EXOC4: variants seen among roughly 807,000 people sequenced by gnomAD.
The protein encoded by EXOC4 is exocyst complex component 4.
EXOC4 carries 71 observed loss-of-function variants against 107.2 expected under a neutral mutation model. That is an observed-to-expected ratio of 0.66 (90% confidence interval 0.55 to 0.81). The LOEUF (loss-of-function observed/expected upper bound fraction) is 0.81. Among genes scored for constraint, EXOC4 ranks in the 30% least tolerant of loss-of-function variants. EXOC4 has a pLI of 0.00. For synonymous variants in EXOC4, 456 were observed against 441.2 expected, an observed-to-expected ratio of 1.03 and a Z score of -0.42; for missense variants, 1,108 against 1,189.6, an observed-to-expected ratio of 0.93 and a Z score of 1.01.
intron 14 of EXOC4, among the ~76,000 whole-genome samples, chr7:133,990,942 C>G (rs1489576134): frequency 1.3e-5 from 2 of 152,126 alleles, no homozygotes; most frequent in Non-Finnish European, 2.9e-5. Flanking sequence ...TGGATATACC[C>G]AGCAGTGAGA....
chr7:133,723,892 G>T (rs1246179769), intron 10 of EXOC4, among the ~76,000 whole-genome samples: 1 of 152,018 alleles, frequency 6.6e-6, no homozygotes, highest in Non-Finnish European at 1.5e-5. Flanking sequence ...CTCCTGAGTA[G>T]TTGAGATTAT....
At chr7:133,439,456 T>C (rs1798057219) in intron 7 of EXOC4, among the ~76,000 whole-genome samples, 1 of 152,140 alleles carries the variant, frequency 6.6e-6, no homozygotes, top group Admixed American at 6.6e-5. Flanking sequence ...GTGCTGGGGC[T>C]ACAGGTGTGA....
chr7:133,582,556 A>G (rs1240295770), intron 9 of EXOC4, among the ~76,000 whole-genome samples: 1 of 152,110 alleles, frequency 6.6e-6, no homozygotes, highest in African/African-American at 2.4e-5. Context: ...ACATTTCAGT[A>G]GTCCTTATGG....
intron 10 of EXOC4, among the ~76,000 whole-genome samples, chr7:133,783,808 C>T (rs1796514191): frequency 1.3e-5 from 2 of 152,154 alleles, no homozygotes; most frequent in African/African-American, 4.8e-5. Context: ...AGATTTGGGG[C>T]TGTGATGCTT....
intron 17 of EXOC4, among the ~76,000 whole-genome samples, chr7:134,053,893 T>G (rs2116595348): frequency 6.6e-6 from 1 of 152,224 alleles, no homozygotes; most frequent in South Asian, 2.1e-4. Flanking sequence ...AAAGACAAAT[T>G]AATGTCACTT....
intron 10 of EXOC4, among the ~76,000 whole-genome samples, chr7:133,756,696 A>G (rs1280927598): frequency 1.3e-5 from 2 of 152,240 alleles, no homozygotes; most frequent in African/African-American, 4.8e-5. Context: ...GAAATGACAT[A>G]GAATTCAGAA....
chr7:134,029,837 T>G (rs1397158599), intron 17 of EXOC4, among the ~76,000 whole-genome samples: 1 of 152,194 alleles, frequency 6.6e-6, no homozygotes, highest in Non-Finnish European at 1.5e-5. Flanking sequence ...CCTTTTAAAG[T>G]AGCCTTTTCT....
chr7:133,877,059 T>C (rs1485189780), intron 11 of EXOC4, among the ~76,000 whole-genome samples: 3 of 152,146 alleles, frequency 2.0e-5, no homozygotes, highest in South Asian at 2.1e-4. Flanking sequence ...CTGCCTGATA[T>C]TGTTTCGCAG....
chr7:134,036,880 A>G (rs918276040), intron 17 of EXOC4, among the ~76,000 whole-genome samples: 8 of 152,158 alleles, frequency 5.3e-5, no homozygotes, highest in African/African-American at 1.9e-4. Flanking sequence ...TACTTCGGTT[A>G]CCTTACCTAT....
At chr7:133,409,855 T>C (rs1056263027) in intron 7 of EXOC4, among the ~76,000 whole-genome samples, 1 of 152,208 alleles carries the variant, frequency 6.6e-6, no homozygotes, top group African/African-American at 2.4e-5. Context: ...AACTAGAAAT[T>C]ACTAGATCTT....
chr7:133,938,922 C>T (rs1800364559), intron 14 of EXOC4, among the ~76,000 whole-genome samples: 3 of 152,198 alleles, frequency 2.0e-5, no homozygotes, highest in African/African-American at 7.2e-5. Context: ...CATGCTTCAG[C>T]CTCCCGAGTA....
chr7:133,636,617 A>G (rs923767633), intron 10 of EXOC4, among the ~76,000 whole-genome samples: 2 of 152,168 alleles, frequency 1.3e-5, no homozygotes, highest in African/African-American at 2.4e-5. Context: ...GGCTGGGGAC[A>G]TGGGGATGAT....
intron 7 of EXOC4, among the ~76,000 whole-genome samples, chr7:133,404,600 G>A (rs1797170042): frequency 6.6e-6 from 1 of 151,980 alleles, no homozygotes; most frequent in East Asian, 1.9e-4. Context: ...TTTCTTTCTT[G>A]CAGTTTTCAT....
At chr7:133,421,011 A>G (rs916008122) in intron 7 of EXOC4, among the ~76,000 whole-genome samples, 1 of 151,634 alleles carries the variant, frequency 6.6e-6, no homozygotes, top group Non-Finnish European at 1.5e-5. Context: ...CATTTTGATG[A>G]TAGGGGTTGG....
chr7:133,352,142 T>C (rs1795925032), intron 5 of EXOC4, among the ~76,000 whole-genome samples: 1 of 151,946 alleles, frequency 6.6e-6, no homozygotes, highest in Non-Finnish European at 1.5e-5. Flanking sequence ...GAGAAGAGTG[T>C]GTGTGTTGCT....
At chr7:134,096,849 C>G in the EXOC4 span, among the ~76,000 whole-genome samples, 7 of 152,012 alleles carry the variant, frequency 4.6e-5, no homozygotes, top group Non-Finnish European at 1.0e-4. Context: ...CTCCCATTCA[C>G]TGACTCAAAT....
chr7:133,419,790 C>G (rs1373105492), intron 7 of EXOC4, among the ~76,000 whole-genome samples: 1 of 152,040 alleles, frequency 6.6e-6, no homozygotes, highest in Non-Finnish European at 1.5e-5. Flanking sequence ...CAAATTACCA[C>G]AAACGTAATG....
At chr7:133,579,686 C>CTTTTTTTTTTTTTTTT (rs11368284) in intron 9 of EXOC4, among the ~76,000 whole-genome samples, 1 of 139,800 alleles carries the variant, frequency 7.2e-6, no homozygotes. Flanking sequence ...CACAACTTTA[C>CTTTTTTTTTTTTTTTT]TTTTTTTTTT....
chr7:133,720,182 T>C (rs181617206), intron 10 of EXOC4, among the ~76,000 whole-genome samples: 3 of 152,162 alleles, frequency 2.0e-5, no homozygotes, highest in Admixed American at 6.5e-5. Flanking sequence ...TGGGAGAGTA[T>C]ATCACCAATA....
Sources: gnomAD v4.1 joint callset for allele counts (sites outside exome capture counted in the v4.1 genomes callset) on GRCh38, gnomAD v4.1.1 for gene constraint, MANE v1.5 for transcripts, NCBI Gene and HGNC (gene_info 2026-07-23, HGNC 2026-07-21) for gene names.